UGT2B17: variants seen among roughly 807,000 people sequenced by gnomAD.
UGT2B17 encodes the protein UDP glucuronosyltransferase family 2 member B17, also known as UDP-glucuronosyltransferase 2B17.
In UGT2B17, 21 loss-of-function variants were observed where a neutral mutation model predicts 48.2. The observed-to-expected ratio is 0.44, with a 90% CI of 0.31 to 0.63. UGT2B17 has a LOEUF of 0.63. Ranked by LOEUF, UGT2B17 falls within the 20% of genes least tolerant of loss-of-function variation. The pLI, the probability that UGT2B17 is intolerant of heterozygous loss-of-function variation, is 0.08. For missense variants in UGT2B17, 402 were observed against 696.1 expected (o/e 0.58, Z 4.75); for synonymous variants, 146 against 238.4 (o/e 0.61, Z 3.57).
chr4:68,551,709 AT>A lies in UGT2B17; in HGVS notation c.1093+114del, dbSNP rs1282661780. 548 of 738,714 alleles carry A rather than the reference AT, an allele frequency of 7.4e-4. 8 individuals carry two copies. The highest frequency in any genetic ancestry group is 1.2e-3 in the South Asian group (30 of 25,634). The allele number at this position is 738,714 out of a possible 1,614,324, so 45.8% of individuals were successfully genotyped here. A position where few individuals can be genotyped will look rare whatever the true frequency, so the allele number is the denominator to read the frequency against. On this transcript the variant is annotated intron_variant, in intron 5 of 6. Coordinates refer to ENST00000317746, the MANE Select transcript of UGT2B17 (RefSeq NM_001077.4). Reference sequence around the variant, plus strand: ...AATAAATATAAAGTAGTTAAATTTGATTTTTTTTTAGTTTTCCAATAATAAA... The same window carrying A: ...AATAAATATAAAGTAGTTAAATTTGATTTTTTTTAGTTTTCCAATAATAAA...
At position 68,559,644 on chromosome 4, in the gene UGT2B17, C is replaced by T. The variant is rs11938019; in HGVS notation, c.1005+893G>A. Among the ~76,000 whole-genome samples, 6 of 126,010 alleles carry T rather than the reference C, an allele frequency of 4.8e-5. 3 individuals are homozygous for T. Among genetic ancestry groups the T allele is most frequent in the African/African-American group, 1.6e-4 (6 of 36,778 alleles). 82.7% of individuals were successfully genotyped at this position (126,010 alleles called of 152,430 possible). The stretch of plus-strand genomic sequence containing the variant: ...ACTTGCATAGATCATTCAGAGAGGG[C>T]TATGCAGATAAGAAAGTAAAACGTA... On this transcript the variant is annotated intron_variant, in intron 4 of 6. Coordinates refer to ENST00000317746, the MANE Select transcript of UGT2B17 (RefSeq NM_001077.4).
intron 4 of UGT2B17, among the ~76,000 whole-genome samples, chr4:68,556,395 C>G (rs1326428159): frequency 8.1e-6 from 1 of 123,794 alleles, no homozygotes; most frequent in Non-Finnish European, 1.7e-5. Context: ...AAGTTTTTTC[C>G]TCAAGTTCTG....
At chr4:68,557,922 T>C (rs980891202) in intron 4 of UGT2B17, among the ~76,000 whole-genome samples, 1 of 123,924 alleles carries the variant, frequency 8.1e-6, no homozygotes, top group Non-Finnish European at 1.7e-5. Flanking sequence ...TGTAACTTTC[T>C]GACAGGCCCA....
chr4:68,551,993 T>A lies in UGT2B17; in HGVS notation c.1006-82A>T, dbSNP rs1466712178. On this transcript the variant is annotated intron_variant, in intron 4 of 6. Coordinates refer to ENST00000317746, the MANE Select transcript of UGT2B17 (RefSeq NM_001077.4). ...GTTAGAATTCTGAAGAGATTAATAATCAGTTAATCCATATAAAAGATGAAG... is the reference window on the plus strand; with the variant it reads ...GTTAGAATTCTGAAGAGATTAATAAACAGTTAATCCATATAAAAGATGAAG... 7.3e-6 allele frequency: 7 copies of A among 959,592 alleles called. 2 individuals are homozygous for A. In the African/African-American group the frequency reaches 1.2e-4, roughly 16 times the overall value. 59.4% of individuals were successfully genotyped at this position (959,592 alleles called of 1,614,324 possible). A position where few individuals can be genotyped will look rare whatever the true frequency, so the allele number is the denominator to read the frequency against.
chr4:68,564,997 C>T (rs1431815866), intron 3 of UGT2B17, among the ~76,000 whole-genome samples: 1 of 126,282 alleles, frequency 7.9e-6, no homozygotes, highest in Non-Finnish European at 1.7e-5. Flanking sequence ...TGTGAGCCAC[C>T]TTGCCTGGCC....
intron 3 of UGT2B17, among the ~76,000 whole-genome samples, chr4:68,564,294 A>ATATATTT (rs1366181355): frequency 0.041 from 3,115 of 75,630 alleles, 469 homozygotes; most frequent in East Asian, 0.17. Context: ...ATATATATAT[A>ATATATTT]TTTTTTTTTT....
intron 4 of UGT2B17, among the ~76,000 whole-genome samples, chr4:68,558,652 C>T (rs1450602429): frequency 7.9e-6 from 1 of 126,056 alleles, no homozygotes; most frequent in Admixed American, 8.2e-5. Context: ...CCTAATAACT[C>T]AGGACCTGCT....
rs1578165630 is a variant in UGT2B17 at position 68,547,318 on chromosome 4, A to G, written c.1313+3359T>C. Among the ~76,000 whole-genome samples, 2 of 126,460 alleles carry G rather than the reference A, an allele frequency of 1.6e-5. 1 individual carries two copies. The highest frequency in any genetic ancestry group is 5.4e-5 in the African/African-American group (2 of 36,978). 83.0% of individuals were successfully genotyped at this position (126,460 alleles called of 152,430 possible). ...TTGACAAACCTTACAAAAACAAGAA[A>G]TGGGGAAAGGATTCCCTATTTAATA... On this transcript the variant is annotated intron_variant, in intron 6 of 6. Coordinates refer to ENST00000317746, the MANE Select transcript of UGT2B17 (RefSeq NM_001077.4).
intron 4 of UGT2B17, among the ~76,000 whole-genome samples, chr4:68,559,344 CA>C (rs1731061361): frequency 7.9e-6 from 1 of 125,956 alleles, no homozygotes; most frequent in Admixed American, 8.2e-5. Flanking sequence ...AGCCCATTGA[CA>C]ATTCATGATT....
chr4:68,572,991 G>A lies in UGT2B17; in HGVS notation c.-65+2960C>T, dbSNP rs1449163834. 2.4e-5 allele frequency among the ~76,000 whole-genome samples: 3 copies of A among 127,216 alleles called. 1 individual carries two copies. The highest frequency in any genetic ancestry group is 7.4e-4 in the East Asian group (1 of 1,352). 83.5% of individuals were successfully genotyped at this position (127,216 alleles called of 152,430 possible). ...AGGAGTAAGATAGTGAGCTTAGGGT[G>A]TTGCAAACTTCAATGGTTATGTGGG... On this transcript the variant is annotated intron_variant, in intron 1 of 6. Transcript: ENST00000317746.
Position 68,567,686 on chromosome 4 carries a change from A to T in UGT2B17, c.724+75T>A, listed in dbSNP as rs1237421929. ...CATAAAAACACTATCTTCTGACATTATATTTATATAAGCCCACCTTCAAAG... is the reference window on the plus strand; with the variant it reads ...CATAAAAACACTATCTTCTGACATTTTATTTATATAAGCCCACCTTCAAAG... On this transcript the variant is annotated intron_variant, in intron 2 of 6. Coordinates refer to ENST00000317746, the MANE Select transcript of UGT2B17 (RefSeq NM_001077.4). The T allele has an allele frequency of 2.9e-6, 3 of 1,017,536 alleles. 1 individual carries two copies. The highest frequency in any genetic ancestry group is 3.4e-5 in the African/African-American group (2 of 59,126). 63.0% of individuals were successfully genotyped at this position (1,017,536 alleles called of 1,614,324 possible).
rs1578166224 is a variant in UGT2B17 at position 68,548,656 on chromosome 4, G to A, written c.1313+2021C>T. ...ATGAGGATGGAATGTTTTTCCATTTGTTTGTGTCCTCTCTTAATTCCTTCA... is the reference window on the plus strand; with the variant it reads ...ATGAGGATGGAATGTTTTTCCATTTATTTGTGTCCTCTCTTAATTCCTTCA... On this transcript the variant is annotated intron_variant, in intron 6 of 6. Coordinates refer to ENST00000317746, the MANE Select transcript of UGT2B17 (RefSeq NM_001077.4). 3.9e-5 allele frequency among the ~76,000 whole-genome samples: 2 copies of A among 50,726 alleles called. 1 individual carries two copies. The highest frequency in any genetic ancestry group is 7.4e-5 in the African/African-American group (2 of 27,068). The allele number at this position is 50,726 out of a possible 152,430, so 33.3% of individuals were successfully genotyped here.
rs1368679934 is a variant in UGT2B17 at position 68,553,646 on chromosome 4, G to A, written c.1006-1735C>T. Among the ~76,000 whole-genome samples the A allele has an allele frequency of 1.6e-5, 2 of 126,020 alleles. 1 individual carries two copies. The highest frequency in any genetic ancestry group is 5.4e-5 in the African/African-American group (2 of 37,010). 82.7% of individuals were successfully genotyped at this position (126,020 alleles called of 152,430 possible). A position where few individuals can be genotyped will look rare whatever the true frequency, so the allele number is the denominator to read the frequency against. On this transcript the variant is annotated intron_variant, in intron 4 of 6. Transcript: ENST00000317746. The stretch of plus-strand genomic sequence containing the variant: ...CCTTGGCGTGTGTAATGGCAGACGA[G>A]TTACAAAGTAGAGGGTGGCTGAGTA...
In UGT2B17 at chr4:68,550,241, A is replaced by G. The variant is rs1730890393; in HGVS notation, c.1313+436T>C. Among the ~76,000 whole-genome samples, 2 of 124,768 alleles carry G rather than the reference A, an allele frequency of 1.6e-5. 1 individual carries two copies. The allele number at this position is 124,768 out of a possible 152,430, so 81.9% of individuals were successfully genotyped here. On this transcript the variant is annotated intron_variant, in intron 6 of 6. Transcript: ENST00000317746. ...TATATTTAGATTTTAAATTTTAGTG[A>G]ATGTTATGCTATGCAAATTGTAACT...
At position 68,557,446 on chromosome 4, in the gene UGT2B17, A is replaced by C. The variant is rs1396098442; in HGVS notation, c.1005+3091T>G. 2.4e-5 allele frequency among the ~76,000 whole-genome samples: 3 copies of C among 125,324 alleles called. 1 individual carries two copies. Among genetic ancestry groups the C allele is most frequent in the Non-Finnish European group, 3.4e-5 (2 of 59,140 alleles). The allele number at this position is 125,324 out of a possible 152,430, so 82.2% of individuals were successfully genotyped here. On this transcript the variant is annotated intron_variant, in intron 4 of 6. Coordinates refer to ENST00000317746, the MANE Select transcript of UGT2B17 (RefSeq NM_001077.4). ...ATGAATATCAAGCAGAACAGGAATTAACTACATGGACTGAAATAATAGAAA... is the reference window on the plus strand; with the variant it reads ...ATGAATATCAAGCAGAACAGGAATTCACTACATGGACTGAAATAATAGAAA...
chr4:68,558,531 G>T lies in UGT2B17; in HGVS notation c.1005+2006C>A, dbSNP rs1221581415. ...TGATTTATGGACTTCAGAGTAATGT[G>T]GCCTATATTAATTTTAAAGGATTGT... On this transcript the variant is annotated intron_variant, in intron 4 of 6. Coordinates refer to ENST00000317746, the MANE Select transcript of UGT2B17 (RefSeq NM_001077.4). Among the ~76,000 whole-genome samples the T allele has an allele frequency of 8.3e-5, 10 of 121,038 alleles. 2 individuals are homozygous for T. Among genetic ancestry groups the T allele is most frequent in the Non-Finnish European group, 1.6e-4 (9 of 57,500 alleles). 79.4% of individuals were successfully genotyped at this position (121,038 alleles called of 152,430 possible).
At chr4:68,538,231 A>T (rs1409152008) in intron 6 of UGT2B17, among the ~76,000 whole-genome samples, 1 of 50,238 alleles carries the variant, frequency 2.0e-5, no homozygotes, top group African/African-American at 4.8e-5. Flanking sequence ...GATCATTTTG[A>T]TATTTTTAGT....
rs540137456 is a variant in UGT2B17 at position 68,541,937 on chromosome 4, G to A, written c.1314-4033C>T. Among the ~76,000 whole-genome samples, 50 of 124,602 alleles carry A rather than the reference G, an allele frequency of 4.0e-4. 14 individuals are homozygous for A. Among genetic ancestry groups the A allele is most frequent in the Non-Finnish European group, 7.1e-4 (42 of 59,102 alleles). The allele number at this position is 124,602 out of a possible 152,430, so 81.7% of individuals were successfully genotyped here. On this transcript the variant is annotated intron_variant, in intron 6 of 6. Coordinates refer to ENST00000317746, the MANE Select transcript of UGT2B17 (RefSeq NM_001077.4). ...ATTGCTTGTTTTTGTCAGTTTTGTCGAAGATCAGATGGCTGTAGATGTGTG... is the reference window on the plus strand; with the variant it reads ...ATTGCTTGTTTTTGTCAGTTTTGTCAAAGATCAGATGGCTGTAGATGTGTG...
At position 68,548,017 on chromosome 4, in the gene UGT2B17, G is replaced by T. The variant is rs1223200138; in HGVS notation, c.1313+2660C>A. On this transcript the variant is annotated intron_variant, in intron 6 of 6. Transcript: ENST00000317746. ...TTCAACCATTGTGGAAGTCAGTGTG[G>T]CGATTCCTCAGGGATCTAGAACTAG... is the stretch of plus-strand genomic sequence containing the variant. 1.6e-5 allele frequency among the ~76,000 whole-genome samples: 2 copies of T among 126,578 alleles called. 1 individual carries two copies. Among genetic ancestry groups the T allele is most frequent in the Non-Finnish European group, 3.4e-5 (2 of 59,592 alleles). The allele number at this position is 126,578 out of a possible 152,430, so 83.0% of individuals were successfully genotyped here.
Sources: gnomAD v4.1 joint callset for allele counts (sites outside exome capture counted in the v4.1 genomes callset) on GRCh38, gnomAD v4.1.1 for gene constraint, MANE v1.5 for transcripts, NCBI Gene and HGNC (gene_info 2026-07-23, HGNC 2026-07-21) for gene names.